PRPSAP2: variants seen among roughly 807,000 people sequenced by gnomAD.
PRPSAP2 encodes phosphoribosyl pyrophosphate synthetase associated protein 2.
In PRPSAP2, 24 loss-of-function variants were observed where a neutral mutation model predicts 40.6. The observed-to-expected ratio is 0.59, with a 90% CI of 0.43 to 0.83. The LOEUF is 0.83. PRPSAP2 is among the 40% of genes least tolerant of loss of function. PRPSAP2 has a pLI of 0.00. For missense variants in PRPSAP2, 292 were observed against 465.6 expected, an observed-to-expected ratio of 0.63 and a Z score of 3.43; for synonymous variants, 149 against 164.7, an observed-to-expected ratio of 0.90 and a Z score of 0.73.
At chr17:18,869,386 G>C (rs891669649) in intron 4 of PRPSAP2, among the ~76,000 whole-genome samples, 2 of 148,580 alleles carry the variant, frequency 1.3e-5, no homozygotes, top group African/African-American at 5.0e-5. Context: ...CACTCAGGCT[G>C]GGGTGTAGTG....
chr17:18,914,818 G>A (rs1002124061), intron 9 of PRPSAP2, among the ~76,000 whole-genome samples: 3 of 150,770 alleles, frequency 2.0e-5, no homozygotes, highest in African/African-American at 7.3e-5. Context: ...TCCAGCTCCC[G>A]GGTTCAAGCA....
intron 8 of PRPSAP2, among the ~76,000 whole-genome samples, chr17:18,891,675 GT>G (rs1275146515): frequency 6.6e-6 from 1 of 152,148 alleles, no homozygotes; most frequent in Non-Finnish European, 1.5e-5. Flanking sequence ...ACCTGTCTCT[GT>G]TTTCAGAACA....
rs557892957 is a variant in PRPSAP2, at chr17:18,926,779, T to A, written c.805-2032T>A. ...CAGTTGTGCATGTAGTGAGTGTGAGTGTGTGTGTGTGTGTGTGTGTGTGTT... is the reference window on the plus strand; with the variant it reads ...CAGTTGTGCATGTAGTGAGTGTGAGAGTGTGTGTGTGTGTGTGTGTGTGTT... On this transcript the variant is annotated intron_variant, in intron 10 of 11. Transcript: ENST00000268835. Among the ~76,000 whole-genome samples the A allele has an allele frequency of 1.3e-3, 156 of 122,872 alleles. 1 individual carries two copies. Among genetic ancestry groups the A allele is most frequent in the African/African-American group, 4.4e-3 (147 of 33,364 alleles). The allele number at this position is 122,872 out of a possible 152,430, so 80.6% of individuals were successfully genotyped here.
chr17:18,863,136 T>A (rs2037162753), intron 1 of PRPSAP2, among the ~76,000 whole-genome samples: 2 of 152,016 alleles, frequency 1.3e-5, no homozygotes, highest in African/African-American at 4.8e-5. Context: ...TATTTATTTA[T>A]TTTTTTATTT....
At chr17:18,862,521 A>T (rs542583236) in intron 1 of PRPSAP2, among the ~76,000 whole-genome samples, 10 of 152,278 alleles carry the variant, frequency 6.6e-5, no homozygotes, top group African/African-American at 2.4e-4. Context: ...GTTAGAAGTC[A>T]GTTCATAGGT....
intron 7 of PRPSAP2, among the ~76,000 whole-genome samples, chr17:18,884,675 A>C (rs997731382): frequency 6.6e-5 from 10 of 152,282 alleles, no homozygotes; most frequent in Admixed American, 4.6e-4. Flanking sequence ...GTTGAGAGAG[A>C]AGGTGAGATA....
chr17:18,908,936 G>C, intron 8 of PRPSAP2: 1 of 376,592 alleles, frequency 2.7e-6, no homozygotes, highest in Non-Finnish European at 5.1e-6. Flanking sequence ...CTCCTTTTCG[G>C]TTTGTTTTTA....
chr17:18,905,550 A>G (rs564899115), intron 8 of PRPSAP2, among the ~76,000 whole-genome samples: 5 of 151,318 alleles, frequency 3.3e-5, no homozygotes, highest in African/African-American at 1.2e-4. Context: ...ACTCTGCCCC[A>G]TTGTTCTGTC....
intron 5 of PRPSAP2, among the ~76,000 whole-genome samples, chr17:18,875,318 CT>C (rs1044305741): frequency 7.2e-5 from 11 of 152,036 alleles, no homozygotes; most frequent in African/African-American, 2.7e-4. Flanking sequence ...AATCCTAGCA[CT>C]TTGGGAGGTC....
At chr17:18,870,618 G>A (rs992546657) in intron 4 of PRPSAP2, among the ~76,000 whole-genome samples, 8 of 151,928 alleles carry the variant, frequency 5.3e-5, no homozygotes, top group African/African-American at 1.7e-4. Flanking sequence ...AGACCAACCT[G>A]GGCAACATGG....
At chr17:18,910,623 C>T (rs1287942996) in intron 8 of PRPSAP2, among the ~76,000 whole-genome samples, 2 of 152,314 alleles carry the variant, frequency 1.3e-5, no homozygotes, top group Non-Finnish European at 2.9e-5. Flanking sequence ...TGGGCACATA[C>T]AGCCTTCAGA....
chr17:18,896,700 T>C (rs1289955775), intron 8 of PRPSAP2, among the ~76,000 whole-genome samples: 1 of 150,570 alleles, frequency 6.6e-6, no homozygotes, highest in Non-Finnish European at 1.5e-5. Context: ...GATGGGACTA[T>C]TCACACAGAG....
At chr17:18,858,393 G>C (rs545962548) in intron 1 of PRPSAP2, 132 bp downstream of exon 1, 53 of 152,544 alleles carry the variant, frequency 3.5e-4, no homozygotes, top group African/African-American at 1.3e-3. Flanking sequence ...GGTGGTGGCT[G>C]CTTGGGGGCT....
At chr17:18,908,336 C>A in intron 8 of PRPSAP2, 1 of 776,322 alleles carries the variant, frequency 1.3e-6, no homozygotes, top group Non-Finnish European at 2.4e-6. Flanking sequence ...TGAGTCCAAC[C>A]ATGACCCTCA....
chr17:18,923,177 C>T (rs971980041), intron 9 of PRPSAP2, among the ~76,000 whole-genome samples: 3 of 151,616 alleles, frequency 2.0e-5, no homozygotes, highest in African/African-American at 7.3e-5. Flanking sequence ...GCAAGCTCCA[C>T]ATCTCAGGTT....
At chr17:18,923,298 G>A (rs776872432) in intron 9 of PRPSAP2, among the ~76,000 whole-genome samples, 12 of 139,878 alleles carry the variant, frequency 8.6e-5, no homozygotes, top group Non-Finnish European at 1.7e-4. Flanking sequence ...AGTAGAGACA[G>A]GGTTTCACCA....
At chr17:18,910,998 G>T in intron 8 of PRPSAP2, 105 bp from the exon 9 acceptor site, 4 of 1,306,328 alleles carry the variant, frequency 3.1e-6, no homozygotes, top group Non-Finnish European at 3.0e-6. Flanking sequence ...TTAGTCCTTT[G>T]GGAGACAACA....
rs892757614 is a variant in PRPSAP2 at position 18,925,747 on chromosome 17, A to G, written c.804+1763A>G. The stretch of plus-strand genomic sequence containing the variant: ...TCCAAAGTGGTCACACCCATTTCCC[A>G]AGTTCCATAGTGGGTGCCCCACATT... On this transcript the variant is annotated intron_variant, in intron 10 of 11. Coordinates refer to ENST00000268835, the MANE Select transcript of PRPSAP2 (RefSeq NM_002767.4). 9.2e-5 allele frequency among the ~76,000 whole-genome samples: 14 copies of G among 152,312 alleles called. 1 individual carries two copies. The South Asian group carries it at 2.9e-3, about 32-fold the overall frequency.
Position 18,930,827 on chromosome 17 carries a change from C to CA in PRPSAP2, c.*129_*130insA. On this transcript the variant is annotated 3_prime_UTR_variant, in exon 12 of 12. Coordinates refer to ENST00000268835, the MANE Select transcript of PRPSAP2 (RefSeq NM_002767.4). ...CCTGTAACCTCACTTCTTATTGATT[C>CA]CTAAGAAGATAGACCAACTTTTTAT... 4 of 845,222 alleles carry CA rather than the reference C, an allele frequency of 4.7e-6. No homozygotes were observed. Among genetic ancestry groups the CA allele is most frequent in the Non-Finnish European group, 6.6e-6 (4 of 607,922 alleles). The allele number at this position is 845,222 out of a possible 1,614,324, so 52.4% of individuals were successfully genotyped here.
Sources: gnomAD v4.1 joint callset for allele counts (sites outside exome capture counted in the v4.1 genomes callset) on GRCh38, gnomAD v4.1.1 for gene constraint, MANE v1.5 for transcripts, NCBI Gene and HGNC (gene_info 2026-07-23, HGNC 2026-07-21) for gene names.